The following RIF1 variants were observed in gnomAD, a reference collection of about 807,000 sequenced individuals.
RIF1 encodes telomere-associated protein RIF1.
RIF1 carries 45 observed loss-of-function variants against 247.1 expected under a neutral mutation model. The observed-to-expected ratio is 0.18, with a 90% CI of 0.14 to 0.23. The LOEUF (loss-of-function observed/expected upper bound fraction) is 0.23, where lower values mean the gene tolerates loss of function less well. Among genes scored for constraint, RIF1 ranks in the 10% least tolerant of loss-of-function variants. The pLI is 1.00. For synonymous variants in RIF1, 1,087 were observed against 978.8 expected (o/e 1.11, Z -2.06); for missense variants, 2,967 against 2,862.5 (o/e 1.04, Z -0.83).
chr2:151,427,792 T>C (rs927372092), intron 8 of RIF1, among the ~76,000 whole-genome samples: 53 of 151,468 alleles, frequency 3.5e-4, no homozygotes, highest in African/African-American at 1.2e-3. Context: ...TAGGCCGGCA[T>C]GGTGGCTCAC....
At chr2:151,506,360 T>G (rs957558256) in exon 13 of RIF1, 208 of 851,414 alleles carry the variant, frequency 2.4e-4, no homozygotes, top group Middle Eastern at 6.9e-4. Flanking sequence ...AACAAGACAC[T>G]AGACGATGTT....
chr2:151,524,312 T>A, the RIF1 span: 1 of 1,613,528 alleles, frequency 6.2e-7, no homozygotes, highest in Non-Finnish European at 8.5e-7. Flanking sequence ...CTGCATTACC[T>A]GGCTGCTCAG....
Position 151,481,620 on chromosome 2 carries a change from C to T in RIF1, c.*6549C>T, listed in dbSNP as rs1371107647. 6.6e-6 allele frequency: 1 copy of T among 152,186 alleles called. No individual in the cohort carries two copies. Among genetic ancestry groups the T allele is most frequent in the Non-Finnish European group, 1.5e-5 (1 of 68,040 alleles). The allele number at this position is 152,186 out of a possible 1,614,324, so 9.4% of individuals were successfully genotyped here. On this transcript the variant is annotated 3_prime_UTR_variant, in exon 36 of 36. Coordinates refer to ENST00000444746, the MANE Select transcript of RIF1 (RefSeq NM_018151.5). Reference sequence around the variant, plus strand: ...CACAAAGTATTTGTATTTGATAAGTCTTAAAAATGATTTAAGTTGAAGCCT... The same window carrying T: ...CACAAAGTATTTGTATTTGATAAGTTTTAAAAATGATTTAAGTTGAAGCCT...
chr2:151,442,453 A>G (rs1032428527), intron 16 of RIF1, among the ~76,000 whole-genome samples: 1 of 151,314 alleles, frequency 6.6e-6, no homozygotes, highest in Non-Finnish European at 1.5e-5. Context: ...TTTGAAGTAT[A>G]TTGACCAAAT....
At chr2:151,416,748 A>T in intron 5 of RIF1, 59 bp from the exon 6 acceptor site, 1 of 1,601,364 alleles carries the variant, frequency 6.2e-7, no homozygotes, top group Non-Finnish European at 8.5e-7. Flanking sequence ...AAAAAACTAT[A>T]ATGCCAATAA....
intron 11 of RIF1, chr2:151,501,331 TTC>T (rs2064359803): frequency 2.6e-6 from 3 of 1,137,336 alleles, no homozygotes; most frequent in Admixed American, 4.1e-5. Context: ...CAGTGAGATG[TTC>T]TGTTTTGTAG....
chr2:151,411,472 GGCTCACTGAAACC>G, intron 3 of RIF1, 134 bp downstream of exon 3: 1 of 571,420 alleles, frequency 1.8e-6, no homozygotes, highest in Non-Finnish European at 3.1e-6. Context: ...GCTCGGGCTC[GGCTCACTGAAACC>G]TCCGCCTCTC....
rs371349954 is a variant in RIF1 at position 151,430,453 on chromosome 2, C to G, written c.925+1531C>G. On this transcript the variant is annotated intron_variant, in intron 9 of 35. Coordinates refer to ENST00000444746, the MANE Select transcript of RIF1 (RefSeq NM_018151.5). ...TCTCCTGCCTCAGCCTCCCAAGTAG[C>G]TGGGATGACAGGCGCCCGCTGCCAC... 2.6e-5 allele frequency among the ~76,000 whole-genome samples: 4 copies of G among 152,144 alleles called. No homozygotes were observed. In the East Asian group the frequency reaches 7.7e-4, roughly 29 times the overall value.
Position 151,451,619 on chromosome 2 carries a change from TG to T in RIF1, c.2260del (p.Asp754IlefsTer9). ...EDEGFSNLLF[V>X]DRIIYIITVM... is the part of the protein sequence containing the mutation. The stretch of plus-strand genomic sequence containing the variant: ...TTTCTTCCCTAGAATTTGTTGTTCG[TG>T]GATAGAATTATTTATATTATTACTG... On this transcript the variant is annotated frameshift_variant, in exon 21 of 36. Coordinates refer to ENST00000444746, the MANE Select transcript of RIF1 (RefSeq NM_018151.5). LOFTEE classifies it high-confidence loss of function. 1 of 1,433,550 alleles carries T rather than the reference TG, an allele frequency of 7.0e-7. No individual in the cohort carries two copies. The highest frequency in any genetic ancestry group is 9.8e-7 in the Non-Finnish European group (1 of 1,016,922). The allele number at this position is 1,433,550 out of a possible 1,614,324, so 88.8% of individuals were successfully genotyped here.
At chr2:151,473,917 G>T (rs373880662) in intron 34 of RIF1, 47 bp from the exon 35 acceptor site, 4 of 899,718 alleles carry the variant, frequency 4.4e-6, no homozygotes, top group South Asian at 1.4e-5. Context: ...GTTTCAATTT[G>T]TTGTTGTTGT....
At position 151,440,144 on chromosome 2, in the gene RIF1, T is replaced by C; in HGVS notation, c.1647+17T>C. ...AAAACGCTGGTAAGTATAATACCCGTATGTTGGACTTTAAAAACCATTTTC... is the reference window on the plus strand; with the variant it reads ...AAAACGCTGGTAAGTATAATACCCGCATGTTGGACTTTAAAAACCATTTTC... On this transcript the variant is annotated intron_variant, in intron 15 of 35. Transcript: ENST00000444746. The C allele has an allele frequency of 7.8e-7, 1 of 1,285,118 alleles. No homozygotes were observed. The highest frequency in any genetic ancestry group is 1.5e-5 in the African/African-American group (1 of 67,142). The allele number at this position is 1,285,118 out of a possible 1,614,324, so 79.6% of individuals were successfully genotyped here. A position where few individuals can be genotyped will look rare whatever the true frequency, so the allele number is the denominator to read the frequency against.
chr2:151,503,245 A>G, intron 12 of RIF1: 1 of 826,116 alleles, frequency 1.2e-6, no homozygotes. Context: ...ACACACAGAC[A>G]CACACAGAAT....
chr2:151,503,399 C>A (rs2066260949), intron 12 of RIF1: 1 of 1,612,896 alleles, frequency 6.2e-7, no homozygotes, highest in East Asian at 2.2e-5. Flanking sequence ...TCTGGAGTCA[C>A]AGTGGTTGGA....
downstream of RIF1, chr2:151,486,061 A>G (rs1169151690): frequency 1.1e-5 from 10 of 945,614 alleles, no homozygotes; most frequent in African/African-American, 1.3e-4. Flanking sequence ...ATGTGCAAGC[A>G]TCAACAAAGT....
At chr2:151,474,836 G>GT in intron 35 of RIF1, 21 bp from the exon 36 acceptor site, 3 of 1,335,230 alleles carry the variant, frequency 2.2e-6, no homozygotes, top group Non-Finnish European at 3.2e-6. Flanking sequence ...ATTTAATTGT[G>GT]GTTTTTTTTT....
chr2:151,524,654 CTTTTTTTTTTTT>C, the RIF1 span: 48 of 257,378 alleles, frequency 1.9e-4, no homozygotes, highest in East Asian at 2.4e-3. Flanking sequence ...AAGAGAGAGG[CTTTTTTTTTTTT>C]TTTTTTTTTT....
intron 34 of RIF1, among the ~76,000 whole-genome samples, chr2:151,470,619 C>G (rs1490809168): frequency 6.6e-6 from 1 of 152,112 alleles, no homozygotes; most frequent in East Asian, 1.9e-4. Flanking sequence ...TAGGCATACT[C>G]AACCTGTATC....
chr2:151,443,130 C>G (rs1453818187), intron 16 of RIF1, 129 bp from the exon 17 acceptor site: 51 of 631,530 alleles, frequency 8.1e-5, no homozygotes, highest in Non-Finnish European at 1.1e-4. Flanking sequence ...ACATGGTTGT[C>G]ATACCCTAAG....
At position 151,441,900 on chromosome 2, in the gene RIF1, C is replaced by T. The variant is rs1283855524; in HGVS notation, c.1648-5C>T. 1 of 1,438,696 alleles carries T rather than the reference C, an allele frequency of 7.0e-7. No individual in the cohort carries two copies. The highest frequency in any genetic ancestry group is 9.6e-7 in the Non-Finnish European group (1 of 1,036,828). The allele number at this position is 1,438,696 out of a possible 1,614,324, so 89.1% of individuals were successfully genotyped here. On this transcript the variant is annotated splice_polypyrimidine_tract_variant and splice_region_variant and intron_variant, in intron 15 of 35. Transcript: ENST00000444746. ...ATTTACTGTAAAACCTTTTATCTCT[C>T]ATAGGTCCTCATGGAAATTACAATT...
Sources: allele counts gnomAD v4.1 joint callset (sites outside exome capture counted in the v4.1 genomes callset), GRCh38; gene constraint gnomAD v4.1.1; transcripts MANE v1.5; gene names NCBI Gene and HGNC (gene_info 2026-07-23, HGNC 2026-07-21).